Variants in CNTLN observed in about 807,000 individuals in gnomAD.
The protein encoded by CNTLN is centlein, centrosomal protein.
Under a neutral mutation model 180.0 loss-of-function variants are expected in CNTLN, and 212 were observed. That is an observed-to-expected ratio of 1.18 (90% confidence interval 1.05 to 1.32). CNTLN has a LOEUF of 1.32. Among genes scored for constraint, CNTLN ranks in the 40% most tolerant of loss-of-function variants. The pLI is 0.00. For synonymous variants in CNTLN, 722 were observed against 563.1 expected (o/e 1.28, Z -3.99); for missense variants, 2,095 against 1,610.9 (o/e 1.30, Z -5.14).
intron 13 of CNTLN, among the ~76,000 whole-genome samples, chr9:17,374,687 C>G (rs907367248): frequency 4.6e-5 from 7 of 151,988 alleles, no homozygotes; most frequent in African/African-American, 1.7e-4. Context: ...TGGTGAAACT[C>G]CATCTCTCCT....
chr9:17,298,172 A>T lies in CNTLN; in HGVS notation c.984-18A>T, dbSNP rs754806899. On this transcript the variant is annotated intron_variant, in intron 6 of 25. Coordinates refer to ENST00000380647, the MANE Select transcript of CNTLN (RefSeq NM_017738.4). ...TCTTTATCCATACTTTTCTCTATTTATTGCTTGCTTTGCACAGGAAGGAAC... is the reference window on the plus strand; with the variant it reads ...TCTTTATCCATACTTTTCTCTATTTTTTGCTTGCTTTGCACAGGAAGGAAC... 1 of 1,416,136 alleles carries T rather than the reference A, an allele frequency of 7.1e-7. No individual in the cohort carries two copies. The highest frequency in any genetic ancestry group is 1.5e-5 in the African/African-American group (1 of 68,278). 87.7% of individuals were successfully genotyped at this position (1,416,136 alleles called of 1,614,324 possible).
chr9:17,261,530 T>A (rs1216588357), intron 5 of CNTLN, among the ~76,000 whole-genome samples: 1 of 151,532 alleles, frequency 6.6e-6, no homozygotes, highest in African/African-American at 2.4e-5. Context: ...TTTTGTATCC[T>A]GAAACTTTAC....
chr9:17,317,165 T>C (rs2132998902), intron 8 of CNTLN, among the ~76,000 whole-genome samples: 1 of 152,262 alleles, frequency 6.6e-6, no homozygotes, highest in East Asian at 1.9e-4. Context: ...TATGTGGAGT[T>C]TGAAAATCGT....
intron 23 of CNTLN, among the ~76,000 whole-genome samples, chr9:17,474,030 G>A (rs1423928123): frequency 6.6e-6 from 1 of 152,104 alleles, no homozygotes; most frequent in African/African-American, 2.4e-5. Flanking sequence ...ACAGACATAA[G>A]TGTTGGAGTT....
At chr9:17,206,067 C>G (rs764801104) in intron 2 of CNTLN, among the ~76,000 whole-genome samples, 8 of 152,176 alleles carry the variant, frequency 5.3e-5, no homozygotes, top group Non-Finnish European at 8.8e-5. Flanking sequence ...ACCACTGCAG[C>G]AGGAGCCAAC....
chr9:17,309,123 T>G lies in CNTLN; in HGVS notation c.1212T>G (p.Ser404Arg), dbSNP rs900479219. The part of the protein sequence containing the change: ...TKSNEAMLRQ[S>R]VTNLQDQLLQ... ...CAAATGAAGCTATGCTCCGGCAAAG[T>G]GTTACTAATCTTCAGGATCAGCTAT... The change falls in exon 8 of 26, where the codon AGT (serine) becomes AGG (arginine). Residue 404 changes from serine (S) to arginine (R), a missense_variant. By Grantham distance (110) the Ser-to-Arg change is moderately radical. Transcript: ENST00000380647. 3.1e-6 allele frequency: 5 copies of G among 1,609,902 alleles called. No homozygotes were observed. The highest frequency in any genetic ancestry group is 3.4e-6 in the Non-Finnish European group (4 of 1,178,160).
At chr9:17,323,694 C>T (rs773708657) in intron 8 of CNTLN, among the ~76,000 whole-genome samples, 4 of 152,206 alleles carry the variant, frequency 2.6e-5, no homozygotes, top group Non-Finnish European at 5.9e-5. Context: ...ATAATTGTAA[C>T]AGATGTGGCA....
intron 8 of CNTLN, among the ~76,000 whole-genome samples, chr9:17,312,982 C>A (rs962751796): frequency 6.6e-6 from 1 of 152,048 alleles, no homozygotes; most frequent in Admixed American, 6.6e-5. Context: ...ATTTTTGCTT[C>A]ATGGGTTTTA....
chr9:17,386,708 G>A (rs1825713303), intron 13 of CNTLN, among the ~76,000 whole-genome samples: 1 of 152,206 alleles, frequency 6.6e-6, no homozygotes, highest in African/African-American at 2.4e-5. Context: ...ACATCCAGGA[G>A]CAAACAAGCA....
Position 17,388,265 on chromosome 9 carries a change from TTTAA to T in CNTLN, c.2079+13_2079+16del. Reference sequence around the variant, plus strand: ...AGACATTACAGAAGGTAGTCTAATCTTTAAGATATTGAGCTGAGCAAGTTAAATC... The same window carrying T: ...AGACATTACAGAAGGTAGTCTAATCTGATATTGAGCTGAGCAAGTTAAATC... On this transcript the variant is annotated intron_variant, in intron 14 of 25. Coordinates refer to ENST00000380647, the MANE Select transcript of CNTLN (RefSeq NM_017738.4). 1 of 1,548,304 alleles carries T rather than the reference TTTAA, an allele frequency of 6.5e-7. No individual in the cohort carries two copies. Among genetic ancestry groups the T allele is most frequent in the East Asian group, 2.2e-5 (1 of 44,452 alleles).
At chr9:17,388,294 C>G in intron 14 of CNTLN, 41 bp downstream of exon 14, 2 of 1,311,340 alleles carry the variant, frequency 1.5e-6, no homozygotes, top group Non-Finnish European at 1.1e-6. Flanking sequence ...CAAGTTAAAT[C>G]TGAATTTTAA....
intron 23 of CNTLN, among the ~76,000 whole-genome samples, chr9:17,478,435 C>T (rs2442001): frequency 0.91 from 138,100 of 152,186 alleles, 63,474 homozygotes; most frequent in Non-Finnish European, 0.98. Context: ...TTTTTGATTA[C>T]GTTGTCTTTG....
At chr9:17,454,168 G>A (rs1032308979) in intron 18 of CNTLN, among the ~76,000 whole-genome samples, 9 of 152,040 alleles carry the variant, frequency 5.9e-5, no homozygotes, top group Admixed American at 5.2e-4. Flanking sequence ...TCTTACAGTC[G>A]CTTAGAGAGT....
chr9:17,399,186 G>A (rs1010395459), intron 15 of CNTLN, among the ~76,000 whole-genome samples: 25 of 152,140 alleles, frequency 1.6e-4, no homozygotes, highest in African/African-American at 5.1e-4. Context: ...ACCTCTTTGA[G>A]CTACTCACTT....
intron 2 of CNTLN, among the ~76,000 whole-genome samples, chr9:17,201,572 A>G (rs776679056): frequency 6.6e-6 from 1 of 152,054 alleles, no homozygotes; most frequent in Non-Finnish European, 1.5e-5. Context: ...GGGAGGATGT[A>G]TGTGTGCAGG....
At chr9:17,410,781 C>A (rs1369347256) in intron 16 of CNTLN, among the ~76,000 whole-genome samples, 1 of 152,068 alleles carries the variant, frequency 6.6e-6, no homozygotes, top group Non-Finnish European at 1.5e-5. Context: ...TTGTCATTAA[C>A]TTTTTCCTTA....
At chr9:17,372,455 A>T (rs1376758759) in intron 13 of CNTLN, among the ~76,000 whole-genome samples, 1 of 152,138 alleles carries the variant, frequency 6.6e-6, no homozygotes, top group Non-Finnish European at 1.5e-5. Flanking sequence ...ACGGAACTAT[A>T]ATAAGTAAAG....
intron 5 of CNTLN, among the ~76,000 whole-genome samples, chr9:17,265,943 T>G (rs1319268173): frequency 6.6e-5 from 10 of 151,976 alleles, no homozygotes; most frequent in Admixed American, 6.6e-4. Flanking sequence ...TTCTTTATTA[T>G]TCTTGCTAGC....
At chr9:17,154,686 T>G (rs1384499274) in intron 2 of CNTLN, among the ~76,000 whole-genome samples, 1 of 152,230 alleles carries the variant, frequency 6.6e-6, no homozygotes, top group Non-Finnish European at 1.5e-5. Flanking sequence ...CAATCAGTGC[T>G]CTGTGTCTAG....
Sources: allele counts gnomAD v4.1 joint callset (sites outside exome capture counted in the v4.1 genomes callset), GRCh38; gene constraint gnomAD v4.1.1; transcripts MANE v1.5; gene names NCBI Gene and HGNC (gene_info 2026-07-23, HGNC 2026-07-21).